Variants in WWOX observed in about 807,000 individuals in gnomAD.
The protein encoded by WWOX is WW domain-containing oxidoreductase.
Under a neutral mutation model 46.2 loss-of-function variants are expected in WWOX, and 69 were observed. The ratio of observed to expected loss-of-function variants is 1.49; its 90% CI spans 1.23 to 1.82. The LOEUF (loss-of-function observed/expected upper bound fraction) is 1.82, where lower values mean the gene tolerates loss of function less well. WWOX is among the 40% of genes most tolerant of loss of function. The pLI is 0.00. For synonymous variants in WWOX, 359 were observed against 202.6 expected, an observed-to-expected ratio of 1.77 and a Z score of -6.56; for missense variants, 919 against 542.6, an observed-to-expected ratio of 1.69 and a Z score of -6.89.
intron 8 of WWOX, among the ~76,000 whole-genome samples, chr16:78,927,754 T>C (rs2045531822): frequency 1.3e-5 from 2 of 152,220 alleles, no homozygotes; most frequent in Non-Finnish European, 2.9e-5. Flanking sequence ...TTTAGTTTCG[T>C]TTCATTGCTC....
At chr16:78,310,727 G>C (rs1267244628) in intron 5 of WWOX, among the ~76,000 whole-genome samples, 1 of 152,180 alleles carries the variant, frequency 6.6e-6, no homozygotes, top group African/African-American at 2.4e-5. Flanking sequence ...CAAGGGTAAG[G>C]CTTGTAAGAA....
chr16:78,735,247 G>A (rs1421527325), intron 8 of WWOX, among the ~76,000 whole-genome samples: 1 of 152,068 alleles, frequency 6.6e-6, no homozygotes, highest in African/African-American at 2.4e-5. Context: ...GAGTTGGACT[G>A]AAACTACACA....
chr16:78,273,496 A>G (rs1482502109), intron 5 of WWOX, among the ~76,000 whole-genome samples: 2 of 152,216 alleles, frequency 1.3e-5, no homozygotes, highest in African/African-American at 4.8e-5. Context: ...AATCCAAGCC[A>G]TGGGGATCCA....
rs56805056 is a variant in WWOX at position 78,309,275 on chromosome 16, G to A, written c.517-77585G>A. Among the ~76,000 whole-genome samples the A allele has an allele frequency of 4.6e-3, 693 of 152,272 alleles. 4 individuals carry two copies. Among genetic ancestry groups the A allele is most frequent in the African/African-American group, 0.016 (664 of 41,554 alleles). The stretch of plus-strand genomic sequence containing the variant: ...AATAAGTGTTTGGTAGTTTCTCTGC[G>A]TTCATTCTGCTTCCTGCCGCTTTGT... On this transcript the variant is annotated intron_variant, in intron 5 of 8. Coordinates refer to ENST00000566780, the MANE Select transcript of WWOX (RefSeq NM_016373.4).
At chr16:78,707,358 A>G (rs2048347682) in intron 8 of WWOX, among the ~76,000 whole-genome samples, 2 of 152,142 alleles carry the variant, frequency 1.3e-5, no homozygotes, top group South Asian at 4.1e-4. Context: ...TGCAAGGTAT[A>G]AGACATTGGC....
intron 8 of WWOX, among the ~76,000 whole-genome samples, chr16:78,885,742 G>GT (rs920526044): frequency 2.3e-4 from 34 of 148,776 alleles, no homozygotes; most frequent in Middle Eastern, 3.4e-3. Context: ...AAGGGGGAAA[G>GT]TTTTTTTTTT....
chr16:78,312,005 G>T (rs2080253869), intron 5 of WWOX, among the ~76,000 whole-genome samples: 1 of 152,166 alleles, frequency 6.6e-6, no homozygotes, highest in African/African-American at 2.4e-5. Flanking sequence ...GACTGCCCAT[G>T]TTCCTCGATC....
chr16:78,680,072 C>T lies in WWOX; in HGVS notation c.1056+247320C>T, dbSNP rs372355469. On this transcript the variant is annotated intron_variant, in intron 8 of 8. Transcript: ENST00000566780. ...TTTCTCATCTGTAAAGTAGGGATAACATTAGCTTCAGCCCTCACAGGCTTA... is the reference window on the plus strand; with the variant it reads ...TTTCTCATCTGTAAAGTAGGGATAATATTAGCTTCAGCCCTCACAGGCTTA... Among the ~76,000 whole-genome samples the T allele has an allele frequency of 2.4e-3, 372 of 152,346 alleles. 1 individual carries two copies. Among genetic ancestry groups the T allele is most frequent in the Middle Eastern group, 6.8e-3 (2 of 294 alleles).
intron 5 of WWOX, among the ~76,000 whole-genome samples, chr16:78,321,628 C>T (rs2151884349): frequency 6.6e-6 from 1 of 151,992 alleles, no homozygotes; most frequent in South Asian, 2.1e-4. Context: ...TATGTATTAT[C>T]TTATTACTCT....
chr16:78,104,664 A>C (rs2032029201), intron 1 of WWOX, among the ~76,000 whole-genome samples: 1 of 152,222 alleles, frequency 6.6e-6, no homozygotes, highest in African/African-American at 2.4e-5. Context: ...GACGGCTTCT[A>C]TTTAAAGGAG....
chr16:78,615,673 A>G (rs1200355481), intron 8 of WWOX, among the ~76,000 whole-genome samples: 2 of 150,970 alleles, frequency 1.3e-5, no homozygotes, highest in Non-Finnish European at 2.9e-5. Context: ...TAAATGAAAT[A>G]AATAAATACA....
At position 78,726,104 on chromosome 16, in the gene WWOX, C is replaced by CCTCCCTCT. The variant is rs1555524230; in HGVS notation, c.1056+293355_1056+293362dup. ...CTCCCTCTTCCTCCCTCCCTCCCTC[C>CCTCCCTCT]CTCCCTCTCTGCCTCCCTCTCTCCC... is the stretch of plus-strand genomic sequence containing the variant. On this transcript the variant is annotated intron_variant, in intron 8 of 8. Coordinates refer to ENST00000566780, the MANE Select transcript of WWOX (RefSeq NM_016373.4). Among the ~76,000 whole-genome samples the CCTCCCTCT allele has an allele frequency of 2.7e-3, 355 of 130,844 alleles. 3 individuals are homozygous for CCTCCCTCT. Among genetic ancestry groups the CCTCCCTCT allele is most frequent in the Middle Eastern group, 3.9e-3 (1 of 254 alleles). The allele number at this position is 130,844 out of a possible 152,430, so 85.8% of individuals were successfully genotyped here.
intron 8 of WWOX, among the ~76,000 whole-genome samples, chr16:78,504,249 T>G (rs955055483): frequency 1.3e-5 from 2 of 152,206 alleles, no homozygotes; most frequent in African/African-American, 2.4e-5. Flanking sequence ...AAATGGCTCT[T>G]TGGCAAGTCT....
At chr16:79,120,967 C>G (rs1294172782) in intron 8 of WWOX, among the ~76,000 whole-genome samples, 1 of 152,046 alleles carries the variant, frequency 6.6e-6, no homozygotes, top group Non-Finnish European at 1.5e-5. Flanking sequence ...CGAGGTTTCA[C>G]CATGTTGGCC....
chr16:78,465,528 G>A (rs146000369), intron 8 of WWOX, among the ~76,000 whole-genome samples: 55 of 152,282 alleles, frequency 3.6e-4, no homozygotes, highest in Non-Finnish European at 6.8e-4. Context: ...ATGACCACAA[G>A]TTAAAATGTT....
At chr16:78,441,359 G>C (rs185014344) in intron 8 of WWOX, among the ~76,000 whole-genome samples, 1 of 152,202 alleles carries the variant, frequency 6.6e-6, no homozygotes, top group African/African-American at 2.4e-5. Flanking sequence ...ACCAGGTGCT[G>C]AATCAGTGAG....
chr16:78,384,515 C>T (rs1360677858), intron 5 of WWOX, among the ~76,000 whole-genome samples: 6 of 152,146 alleles, frequency 3.9e-5, no homozygotes, highest in African/African-American at 1.2e-4. Context: ...ACACCTTTCA[C>T]GGGGTGTGAC....
chr16:79,177,319 G>A (rs1201732446), intron 8 of WWOX, among the ~76,000 whole-genome samples: 6 of 152,164 alleles, frequency 3.9e-5, no homozygotes, highest in Admixed American at 3.3e-4. Context: ...GCTTCGTTTC[G>A]GAGGAAATTT....
At chr16:78,365,418 T>C (rs555714217) in intron 5 of WWOX, among the ~76,000 whole-genome samples, 1 of 152,224 alleles carries the variant, frequency 6.6e-6, no homozygotes, top group Non-Finnish European at 1.5e-5. Context: ...TTGCTAGGGT[T>C]CTTGGCACAC....
Sources: gnomAD v4.1 joint callset for allele counts (sites outside exome capture counted in the v4.1 genomes callset) on GRCh38, gnomAD v4.1.1 for gene constraint, MANE v1.5 for transcripts, NCBI Gene and HGNC (gene_info 2026-07-23, HGNC 2026-07-21) for gene names.